Variants in CFAP74 observed in about 807,000 individuals in gnomAD.
CFAP74 encodes cilia and flagella associated protein 74.
Under a neutral mutation model 188.9 loss-of-function variants are expected in CFAP74, and 124 were observed. That is an observed-to-expected ratio of 0.66 (90% CI 0.57 to 0.76). The LOEUF (loss-of-function observed/expected upper bound fraction) is 0.76, where lower values mean the gene tolerates loss of function less well. Among genes scored for constraint, CFAP74 ranks in the 30% least tolerant of loss-of-function variants. The pLI is 0.00. For missense variants in CFAP74, 2,198 were observed against 2,165.2 expected (o/e 1.02, Z -0.30); for synonymous variants, 956 against 916.7 (o/e 1.04, Z -0.77).
intron 33 of CFAP74, among the ~76,000 whole-genome samples, chr1:1,925,290 A>C (rs541128382): frequency 8.7e-6 from 1 of 115,556 alleles, no homozygotes; most frequent in Non-Finnish European, 1.8e-5. Context: ...ACGCTGGTGC[A>C]AAGGCATGAG....
chr1:1,994,837 G>A (rs989702273), intron 1 of CFAP74, among the ~76,000 whole-genome samples: 1 of 152,192 alleles, frequency 6.6e-6, no homozygotes, highest in African/African-American at 2.4e-5. Context: ...ACAACAGGGG[G>A]TAGATTTATT....
chr1:1,969,617 A>G (rs1200853022), intron 10 of CFAP74, among the ~76,000 whole-genome samples: 1 of 152,132 alleles, frequency 6.6e-6, no homozygotes, highest in East Asian at 1.9e-4. Flanking sequence ...TCATCCACTC[A>G]CTGCAGCTGC....
rs151062777 is a variant in CFAP74, at chr1:1,999,993, G to A, written c.-20+3708C>T. On this transcript the variant is annotated intron_variant, in intron 1 of 38. Transcript: ENST00000682832. ...ATCCTGGCTAACACGGTGAAACCCC[G>A]TCTCTACTAAAAATACAAAAAATTA... 1.9e-3 allele frequency among the ~76,000 whole-genome samples: 294 copies of A among 152,136 alleles called. 1 individual carries two copies. Among genetic ancestry groups the A allele is most frequent in the African/African-American group, 6.7e-3 (279 of 41,510 alleles).
rs538396335 is a variant in CFAP74, at chr1:1,943,312, G to A, written c.2486+1019C>T. On this transcript the variant is annotated intron_variant, in intron 21 of 38. Transcript: ENST00000682832. ...GGCGAGCAGACTCCACCGCAGACAC[G>A]CCAACACACGCAGCTGGCTCCCGGG... is the stretch of plus-strand genomic sequence containing the variant. Among the ~76,000 whole-genome samples the A allele has an allele frequency of 2.6e-5, 4 of 152,310 alleles. No individual in the cohort carries two copies. In the East Asian group the frequency reaches 7.7e-4, roughly 29 times the overall value.
At chr1:1,932,411 A>G (rs1652487083) in intron 25 of CFAP74, among the ~76,000 whole-genome samples, 1 of 150,036 alleles carries the variant, frequency 6.7e-6, no homozygotes, top group Non-Finnish European at 1.5e-5. Flanking sequence ...AAAAAAAAAA[A>G]GAAAAGAAAA....
intron 5 of CFAP74, among the ~76,000 whole-genome samples, chr1:1,986,696 G>A (rs141594210): frequency 2.6e-5 from 4 of 152,352 alleles, no homozygotes; most frequent in African/African-American, 9.6e-5. Flanking sequence ...AGTGGCCCAA[G>A]AGGCCTTCCC....
chr1:1,936,491 C>T (rs1315857074), intron 25 of CFAP74, among the ~76,000 whole-genome samples: 1 of 151,992 alleles, frequency 6.6e-6, no homozygotes, highest in Non-Finnish European at 1.5e-5. Context: ...TTGCAGTGAG[C>T]CGAGATCATG....
intron 25 of CFAP74, among the ~76,000 whole-genome samples, chr1:1,931,518 C>T (rs1311357438): frequency 6.8e-6 from 1 of 148,054 alleles, no homozygotes; most frequent in Non-Finnish European, 1.5e-5. Context: ...GGGCGGATCA[C>T]AAGGTCAGGA....
intron 6 of CFAP74, among the ~76,000 whole-genome samples, chr1:1,983,010 A>T (rs1657004985): frequency 1.3e-5 from 2 of 152,242 alleles, no homozygotes; most frequent in Admixed American, 1.3e-4. Flanking sequence ...AGCGGCAGAC[A>T]CGAACGCAGG....
At chr1:1,927,500 TG>T in intron 28 of CFAP74, 106 bp downstream of exon 28, 1 of 1,095,862 alleles carries the variant, frequency 9.1e-7, no homozygotes. Context: ...TCCAGCCACA[TG>T]GGTCATTCCG....
chr1:1,973,122 G>A lies in CFAP74; in HGVS notation c.675-75C>T. The A allele has an allele frequency of 9.2e-7, 1 of 1,090,086 alleles. No homozygotes were observed. Among genetic ancestry groups the A allele is most frequent in the Non-Finnish European group, 1.4e-6 (1 of 737,382 alleles). 67.5% of individuals were successfully genotyped at this position (1,090,086 alleles called of 1,614,324 possible). A position where few individuals can be genotyped will look rare whatever the true frequency, so the allele number is the denominator to read the frequency against. On this transcript the variant is annotated intron_variant, in intron 7 of 38. Coordinates refer to ENST00000682832, the MANE Select transcript of CFAP74 (RefSeq NM_001304360.2). This position sits in a 1 kb window ranked among gnomAD's most constrained non-coding sequence, Gnocchi z 6.2. ...TCTGCCCCCAAGCCCTGCACGGCTG[G>A]AGCTCGTGTCCCAGAGACGCCGTGG...
chr1:1,944,008 G>A (rs922513724), intron 21 of CFAP74, among the ~76,000 whole-genome samples: 9 of 152,138 alleles, frequency 5.9e-5, no homozygotes, highest in African/African-American at 1.2e-4. Flanking sequence ...GACGCCTCCC[G>A]TGATGACACT....
At chr1:1,934,189 T>C (rs1300559229) in intron 25 of CFAP74, among the ~76,000 whole-genome samples, 1 of 152,232 alleles carries the variant, frequency 6.6e-6, no homozygotes, top group Non-Finnish European at 1.5e-5. Context: ...ACCCTACATC[T>C]GTGCAAGTGT....
intron 9 of CFAP74, 64 bp downstream of exon 9, chr1:1,971,916 G>C: frequency 7.8e-7 from 1 of 1,286,772 alleles, no homozygotes; most frequent in South Asian, 1.2e-5. Context: ...CAAGGAGCAG[G>C]GGCCCAGGGA....
Position 1,959,955 on chromosome 1 carries a change from C to G in CFAP74, c.1761+9G>C. ...CCCCTTCGAGAGAGAACGGGCCCCT[C>G]TGACTCACCATCGGCTTGAAGGTGA... On this transcript the variant is annotated intron_variant, in intron 15 of 38. Coordinates refer to ENST00000682832, the MANE Select transcript of CFAP74 (RefSeq NM_001304360.2). 6.3e-7 allele frequency: 1 copy of G among 1,585,808 alleles called. No individual in the cohort carries two copies. Among genetic ancestry groups the G allele is most frequent in the Non-Finnish European group, 8.6e-7 (1 of 1,167,334 alleles).
Position 1,925,803 on chromosome 1 carries a change from A to C in CFAP74, c.4084T>G (p.Ser1362Ala), listed in dbSNP as rs771413679. 2.5e-6 allele frequency: 4 copies of C among 1,612,216 alleles called. No individual in the cohort carries two copies. Reference sequence around the variant, plus strand: ...TTCACCTTGAAGCCTGAGGACACAGACTCTCCGGCAATCACATAGCCCATG... The same window carrying C: ...TTCACCTTGAAGCCTGAGGACACAGCCTCTCCGGCAATCACATAGCCCATG... ...LNMGYVIAGE[S>A]VSSGFKLQNN... The change falls in exon 33 of 39, where the codon TCT becomes GCT. Residue 1362 changes from serine to alanine, a missense_variant. By Grantham distance (99) the Ser-to-Ala change is moderately conservative (BLOSUM62 1). Transcript: ENST00000682832.
At position 1,963,768 on chromosome 1, in the gene CFAP74, G is replaced by T. The variant is rs770636005; in HGVS notation, c.1675C>A (p.Arg559=). ...TCTTACTCAACGTGGATGAAGTCCC[G>T]GAGGTGCTCCTCCACGCCCACCAGC... ...CKLVGVEEHL[R]DFIHVDFDPP... is the part of the protein sequence containing the mutation. Residue 559 remains arginine, a synonymous_variant, in exon 14 of 39, where the codon CGG becomes AGG. Transcript: ENST00000682832. The T allele has an allele frequency of 1.2e-6, 2 of 1,612,758 alleles. No individual in the cohort carries two copies. Among genetic ancestry groups the T allele is most frequent in the South Asian group, 1.1e-5 (1 of 91,016 alleles).
chr1:1,982,236 A>T (rs1656941130), intron 6 of CFAP74, among the ~76,000 whole-genome samples: 3 of 143,358 alleles, frequency 2.1e-5, no homozygotes, highest in Non-Finnish European at 3.1e-5. Flanking sequence ...CACGCAGGAC[A>T]CCCAGCCGTG....
chr1:1,944,997 C>T (rs533088968), intron 20 of CFAP74, among the ~76,000 whole-genome samples: 1 of 152,314 alleles, frequency 6.6e-6, no homozygotes, highest in East Asian at 1.9e-4. Context: ...TACTCATTAA[C>T]ATTTAGGTGT....
Sources: allele counts gnomAD v4.1 joint callset (sites outside exome capture counted in the v4.1 genomes callset), GRCh38; gene constraint gnomAD v4.1.1; non-coding constraint Gnocchi (gnomAD v3.1); transcripts MANE v1.5; gene names NCBI Gene and HGNC (gene_info 2026-07-23, HGNC 2026-07-21).